Variants in POLR1C observed in about 807,000 individuals in gnomAD.
The protein encoded by POLR1C is DNA-directed RNA polymerases I and III subunit RPAC1.
POLR1C carries 42 observed loss-of-function variants against 38.3 expected under a neutral mutation model. The observed-to-expected ratio is 1.10, with a 90% CI of 0.86 to 1.42. POLR1C has a LOEUF of 1.42. Ranked by LOEUF, POLR1C falls within the 40% of genes most tolerant of loss-of-function variation. POLR1C has a pLI of 0.00. For synonymous variants in POLR1C, 163 were observed against 163.9 expected, an observed-to-expected ratio of 0.99 and a Z score of 0.04; for missense variants, 507 against 450.5, an observed-to-expected ratio of 1.13 and a Z score of -1.14.
At chr6:43,538,784 C>A in intron 9 of POLR1C, 1 of 709,472 alleles carries the variant, frequency 1.4e-6, no homozygotes. Context: ...TTTTTTTTTC[C>A]CACGCTTAAT....
chr6:43,523,468 C>T (rs1168331959), downstream of POLR1C: 5 of 358,228 alleles, frequency 1.4e-5, no homozygotes, highest in Non-Finnish European at 2.7e-5. Flanking sequence ...TAGTTGAGGG[C>T]TGTGCTCTTG....
chr6:43,555,954 T>C (rs2127738898), intron 10 of POLR1C: 1 of 1,613,550 alleles, frequency 6.2e-7, no homozygotes, highest in Non-Finnish European at 8.5e-7. Flanking sequence ...CTCCTTGTTG[T>C]GCTCGGGAGG....
At chr6:43,551,955 C>G (rs1795248165) in intron 10 of POLR1C, among the ~76,000 whole-genome samples, 1 of 152,188 alleles carries the variant, frequency 6.6e-6, no homozygotes, top group Non-Finnish European at 1.5e-5. Context: ...GTGTGAACCA[C>G]CGTACTCAGC....
intron 8 of POLR1C, chr6:43,526,757 G>A: frequency 6.2e-7 from 1 of 1,613,382 alleles, no homozygotes; most frequent in Non-Finnish European, 8.5e-7. Flanking sequence ...GCTAAAGCAA[G>A]AAAGCAGGGT....
At chr6:43,531,999 T>C (rs969662936), downstream of POLR1C, among the ~76,000 whole-genome samples, 15 of 152,210 alleles carry the variant, frequency 9.9e-5, no homozygotes, top group African/African-American at 3.4e-4. Flanking sequence ...AAAATATCTA[T>C]ATTTTTAAGT....
At chr6:43,524,674 G>A (rs1251304475), downstream of POLR1C, 1 of 1,601,372 alleles carries the variant, frequency 6.2e-7, no homozygotes, top group Non-Finnish European at 8.5e-7. Flanking sequence ...ATGTAGGTTT[G>A]GATATTGCCA....
At chr6:43,533,216 A>G (rs1335380976), downstream of POLR1C, 1 of 35,636 alleles carries the variant, frequency 2.8e-5, no homozygotes, top group Non-Finnish European at 4.5e-5. Context: ...ACCTATCTAC[A>G]CACACACACA....
In POLR1C at chr6:43,527,536, A is replaced by G. The variant is rs539020608; in HGVS notation, c.923-1713A>G. ...ATCCACCATGCCCGCCGCAAACATGAATCCTTTGCATTAGTCAGGCCTTCA... is the reference window on the plus strand; with the variant it reads ...ATCCACCATGCCCGCCGCAAACATGGATCCTTTGCATTAGTCAGGCCTTCA... On this transcript the variant is annotated intron_variant, in intron 8 of 8. Transcript: ENST00000304004. The G allele has an allele frequency of 3.2e-6, 4 of 1,240,100 alleles. No homozygotes were observed. In the South Asian group the frequency reaches 5.1e-5, roughly 16 times the overall value. 76.8% of individuals were successfully genotyped at this position (1,240,100 alleles called of 1,614,324 possible).
At chr6:43,535,049 T>C (rs1358175477) in intron 9 of POLR1C, among the ~76,000 whole-genome samples, 1 of 150,554 alleles carries the variant, frequency 6.6e-6, no homozygotes, top group African/African-American at 2.5e-5. Context: ...TCCCAGCACT[T>C]TGGGAGGCTG....
chr6:43,548,781 AGAG>A (rs1452680325), intron 9 of POLR1C, among the ~76,000 whole-genome samples: 1 of 151,494 alleles, frequency 6.6e-6, no homozygotes, highest in Non-Finnish European at 1.5e-5. Context: ...CTGTGCATTC[AGAG>A]AAGAAATTTC....
At chr6:43,544,931 GGC>G (rs1794890792) in intron 9 of POLR1C, among the ~76,000 whole-genome samples, 1 of 152,088 alleles carries the variant, frequency 6.6e-6, no homozygotes, top group African/African-American at 2.4e-5. Flanking sequence ...GGAGTGCAGT[GGC>G]GTGATCTTAG....
At chr6:43,550,000 T>C (rs1391454084) in intron 9 of POLR1C, 18 of 1,539,742 alleles carry the variant, frequency 1.2e-5, no homozygotes, top group Non-Finnish European at 2.7e-6. Context: ...CTTGCTATGT[T>C]GCCCAGACTA....
At chr6:43,560,764 A>C (rs994851656) in intron 10 of POLR1C, among the ~76,000 whole-genome samples, 18 of 152,214 alleles carry the variant, frequency 1.2e-4, no homozygotes, top group African/African-American at 4.1e-4. Context: ...TGGCTCAGGA[A>C]GAAGAGCCAA....
chr6:43,550,108 T>C (rs1387475454), intron 9 of POLR1C, among the ~76,000 whole-genome samples: 11 of 152,184 alleles, frequency 7.2e-5, no homozygotes, highest in African/African-American at 2.7e-4. Context: ...TTTTCTCAGA[T>C]AACCTCTACA....
At position 43,520,849 on chromosome 6, in the gene POLR1C, T is replaced by A. The variant is rs1582183466; in HGVS notation, c.805+75T>A. 5.6e-6 allele frequency: 9 copies of A among 1,600,240 alleles called. No individual in the cohort carries two copies. The South Asian group carries it at 8.8e-5, about 16-fold the overall frequency. ...TTCAAGGTGACAGAAATAAAAACCC[T>A]GGGCTCCTAAAAGTATAACCTGGTT... On this transcript the variant is annotated intron_variant, in intron 7 of 8. Transcript: ENST00000642195.
At chr6:43,519,661 G>A (rs758880194) in intron 3 of POLR1C, 45 bp from the exon 4 acceptor site, 4 of 1,613,944 alleles carry the variant, frequency 2.5e-6, no homozygotes, top group Non-Finnish European at 3.4e-6. Flanking sequence ...TAGGTAGGGG[G>A]TCTGTTGGGT....
chr6:43,531,719 T>A (rs1039356134), downstream of POLR1C: 2 of 704,366 alleles, frequency 2.8e-6, no homozygotes, highest in East Asian at 2.7e-5. Context: ...GCTACGTGAT[T>A]TGCTGCACTC....
At chr6:43,530,766 C>T (rs775375099), downstream of POLR1C, 1 of 1,613,886 alleles carries the variant, frequency 6.2e-7, no homozygotes. Flanking sequence ...GTAGCAAGGT[C>T]CTCCACAGTA....
chr6:43,525,285 AG>A, downstream of POLR1C: 2 of 1,401,818 alleles, frequency 1.4e-6, no homozygotes, highest in Non-Finnish European at 1.9e-6. Context: ...ATTACACATC[AG>A]GAGCCGGAGG....
Sources: gnomAD v4.1 joint callset for allele counts (sites outside exome capture counted in the v4.1 genomes callset) on GRCh38, gnomAD v4.1.1 for gene constraint, MANE v1.5 for transcripts, NCBI Gene and HGNC (gene_info 2026-07-23, HGNC 2026-07-21) for gene names.